Variants in RBFOX1 observed in about 807,000 individuals in gnomAD.
RBFOX1 encodes RNA binding fox-1 homolog 1.
RBFOX1 carries 8 observed loss-of-function variants against 57.7 expected under a neutral mutation model. The observed-to-expected ratio is 0.14, with a 90% confidence interval of 0.08 to 0.25. The LOEUF (loss-of-function observed/expected upper bound fraction) is 0.25. Among genes scored for constraint, RBFOX1 ranks in the 10% least tolerant of loss-of-function variants. The pLI is 1.00. For synonymous variants in RBFOX1, 326 were observed against 222.4 expected (o/e 1.47, Z -4.15); for missense variants, 611 against 548.5 (o/e 1.11, Z -1.14).
chr16:7,221,659 A>G (rs953042552), intron 4 of RBFOX1, among the ~76,000 whole-genome samples: 16 of 151,900 alleles, frequency 1.1e-4, no homozygotes, highest in African/African-American at 3.6e-4. Context: ...GAGCCACTGC[A>G]CCTGCCGTTG....
intron 2 of RBFOX1, among the ~76,000 whole-genome samples, chr16:6,579,447 A>T (rs1347802256): frequency 2.0e-5 from 3 of 151,974 alleles, no homozygotes; most frequent in Non-Finnish European, 4.4e-5. Flanking sequence ...CATGGGAGGG[A>T]CCTGGTGGAA....
At chr16:6,378,925 C>T (rs942983808) in intron 2 of RBFOX1, among the ~76,000 whole-genome samples, 81 of 152,052 alleles carry the variant, frequency 5.3e-4, no homozygotes, top group Admixed American at 2.3e-3. Context: ...GAATTGGTAG[C>T]ACTGATCTTG....
chr16:6,825,081 C>G (rs920408314), intron 3 of RBFOX1, among the ~76,000 whole-genome samples: 1 of 142,134 alleles, frequency 7.0e-6, no homozygotes, highest in Non-Finnish European at 1.5e-5. Flanking sequence ...ACTGCAACCC[C>G]TGTCACCCTG....
In RBFOX1 at chr16:7,434,503, T is replaced by G. The variant is rs558023200; in HGVS notation, c.28-83644T>G. On this transcript the variant is annotated intron_variant, in intron 4 of 15. Coordinates refer to ENST00000550418, the MANE Select transcript of RBFOX1 (RefSeq NM_018723.4). ...ATAAATAAATAAATAAAAATAAAAATAAAAAAAATCATCAGGAGATGAGGA... is the reference window on the plus strand; with the variant it reads ...ATAAATAAATAAATAAAAATAAAAAGAAAAAAAATCATCAGGAGATGAGGA... 2.7e-5 allele frequency among the ~76,000 whole-genome samples: 4 copies of G among 150,802 alleles called. No individual in the cohort carries two copies. In the South Asian group the frequency reaches 8.4e-4, roughly 32 times the overall value.
At chr16:6,671,190 T>C (rs1345375268) in intron 3 of RBFOX1, among the ~76,000 whole-genome samples, 1 of 152,190 alleles carries the variant, frequency 6.6e-6, no homozygotes, top group African/African-American at 2.4e-5. Context: ...ACCATTGTTA[T>C]TTTACTTGCA....
chr16:7,416,573 C>G (rs921476580), intron 4 of RBFOX1, among the ~76,000 whole-genome samples: 1 of 152,150 alleles, frequency 6.6e-6, no homozygotes, highest in Non-Finnish European at 1.5e-5. Flanking sequence ...GCAAGATCCT[C>G]TTCTGGGGAC....
At chr16:5,815,140 T>C (rs1485383352) in intron 3 of RBFOX1, among the ~76,000 whole-genome samples, 1 of 148,444 alleles carries the variant, frequency 6.7e-6, no homozygotes, top group Non-Finnish European at 1.5e-5. Flanking sequence ...TCACCAGGCC[T>C]GGCTAATTTA....
intron 3 of RBFOX1, among the ~76,000 whole-genome samples, chr16:5,755,885 C>G (rs1264645866): frequency 1.3e-5 from 2 of 152,082 alleles, no homozygotes; most frequent in East Asian, 1.9e-4. Context: ...GGCGTGAGCT[C>G]TTGCACCCGG....
chr16:7,580,237 C>T (rs895760039), intron 6 of RBFOX1, among the ~76,000 whole-genome samples: 1 of 152,122 alleles, frequency 6.6e-6, no homozygotes, highest in East Asian at 1.9e-4. Context: ...AATCCAATGG[C>T]CCAGGACATC....
intron 3 of RBFOX1, among the ~76,000 whole-genome samples, chr16:6,949,739 C>T (rs1387264469): frequency 3.9e-5 from 6 of 152,066 alleles, no homozygotes; most frequent in African/African-American, 1.4e-4. Flanking sequence ...GTTAAGACTT[C>T]AACTAGGAAT....
intron 3 of RBFOX1, among the ~76,000 whole-genome samples, chr16:5,700,295 T>G (rs1245784928): frequency 6.6e-6 from 1 of 151,672 alleles, no homozygotes; most frequent in Non-Finnish European, 1.5e-5. Context: ...CTTTGACAGT[T>G]TTTTTTTTGG....
chr16:7,526,316 T>G lies in RBFOX1; in HGVS notation c.270+7927T>G, dbSNP rs559343488. The stretch of plus-strand genomic sequence containing the variant: ...CTTGACCAATGGCTTAGAATTCTCA[T>G]GAAGATTGGTTTCTTCGTGGCTGCC... On this transcript the variant is annotated intron_variant, in intron 5 of 15. Coordinates refer to ENST00000550418, the MANE Select transcript of RBFOX1 (RefSeq NM_018723.4). Among the ~76,000 whole-genome samples, 525 of 152,304 alleles carry G rather than the reference T, an allele frequency of 3.4e-3. 12 individuals carry two copies. The highest frequency in any genetic ancestry group is 3.5e-4 in the Non-Finnish European group (24 of 68,026).
intron 4 of RBFOX1, among the ~76,000 whole-genome samples, chr16:5,898,550 T>A (rs909614125): frequency 7.3e-5 from 11 of 150,748 alleles, no homozygotes; most frequent in African/African-American, 2.7e-4. Flanking sequence ...GTCATCTACA[T>A]GTAAAATCAT....
intron 2 of RBFOX1, among the ~76,000 whole-genome samples, chr16:5,559,014 C>G (rs1022406734): frequency 2.4e-4 from 36 of 152,140 alleles, no homozygotes; most frequent in African/African-American, 7.7e-4. Flanking sequence ...TTGAAATACC[C>G]TGAAACCATA....
At chr16:5,401,799 T>G (rs1596869554) in intron 1 of RBFOX1, among the ~76,000 whole-genome samples, 1 of 151,900 alleles carries the variant, frequency 6.6e-6, no homozygotes, top group African/African-American at 2.4e-5. Flanking sequence ...CTCCTCTTTC[T>G]CCTCCTCCTT....
intron 1 of RBFOX1, among the ~76,000 whole-genome samples, chr16:5,285,361 C>G (rs1404520437): frequency 7.5e-6 from 1 of 133,632 alleles, no homozygotes; most frequent in Non-Finnish European, 1.7e-5. Context: ...GAATTGTTTT[C>G]CTGATTTTTT....
chr16:5,415,975 G>C (rs2067150532), intron 1 of RBFOX1, among the ~76,000 whole-genome samples: 1 of 152,192 alleles, frequency 6.6e-6, no homozygotes, highest in Non-Finnish European at 1.5e-5. Context: ...TGGTGGAGCT[G>C]AGAGCTGTAA....
chr16:7,330,189 A>G (rs1341771474), intron 4 of RBFOX1, among the ~76,000 whole-genome samples: 1 of 152,120 alleles, frequency 6.6e-6, no homozygotes, highest in Non-Finnish European at 1.5e-5. Flanking sequence ...AAATCTGCAG[A>G]TGCTCAGTCC....
At chr16:6,594,882 G>A (rs1043576746) in intron 2 of RBFOX1, among the ~76,000 whole-genome samples, 5 of 152,090 alleles carry the variant, frequency 3.3e-5, no homozygotes, top group African/African-American at 9.7e-5. Context: ...TCCGCCTCCC[G>A]GGTTCAAGCG....
Sources: allele counts gnomAD v4.1 joint callset (sites outside exome capture counted in the v4.1 genomes callset), GRCh38; gene constraint gnomAD v4.1.1; transcripts MANE v1.5; gene names NCBI Gene and HGNC (gene_info 2026-07-23, HGNC 2026-07-21).